The following SYNE1 variants were observed in gnomAD, a reference collection of about 807,000 sequenced individuals.
The protein encoded by SYNE1 is spectrin repeat containing nuclear envelope protein 1.
Under a neutral mutation model 1,111.0 loss-of-function variants are expected in SYNE1, and 616 were observed. The observed-to-expected ratio is 0.55, with a 90% CI of 0.52 to 0.59. The LOEUF (loss-of-function observed/expected upper bound fraction) is 0.59. Among genes scored for constraint, SYNE1 ranks in the 20% least tolerant of loss-of-function variants. SYNE1 has a pLI of 0.00. For synonymous variants in SYNE1, 3,855 were observed against 3,825.8 expected (o/e 1.01, Z -0.28); for missense variants, 10,006 against 10,417.0 (o/e 0.96, Z 1.72).
chr6:152,444,414 G>C lies in SYNE1; in HGVS notation c.3834C>G (p.His1278Gln). The change falls in exon 30 of 146, where the codon CAC becomes CAG. Residue 1278 changes from histidine (H) to glutamine (Q), a missense_variant. By Grantham distance (24) the His-to-Gln change is conservative. Coordinates refer to ENST00000367255, the MANE Select transcript of SYNE1 (RefSeq NM_182961.4). Reference sequence around the variant, plus strand: ...TGGAAGAAAGAGGCATTTTTACCTGGTGATGAAGAAGTAACTGCTGTGCTT... The same window carrying C: ...TGGAAGAAAGAGGCATTTTTACCTGCTGATGAAGAAGTAACTGCTGTGCTT... ...LFEAQQLLLH[H>Q]QQKTKRISAK... 1 of 1,613,582 alleles carries C rather than the reference G, an allele frequency of 6.2e-7. No homozygotes were observed. Among genetic ancestry groups the C allele is most frequent in the Non-Finnish European group, 8.5e-7 (1 of 1,179,836 alleles).
At chr6:152,612,245 G>T (rs183880760) in intron 3 of SYNE1, among the ~76,000 whole-genome samples, 1 of 151,858 alleles carries the variant, frequency 6.6e-6, no homozygotes, top group Admixed American at 6.6e-5. Context: ...TTGATAGACT[G>T]CTAGCAAGAC....
intron 104 of SYNE1, among the ~76,000 whole-genome samples, chr6:152,250,272 A>G (rs2088771165): frequency 6.6e-6 from 1 of 152,072 alleles, no homozygotes; most frequent in Non-Finnish European, 1.5e-5. Context: ...AAAATTACCA[A>G]AAAAATGTAT....
intron 3 of SYNE1, among the ~76,000 whole-genome samples, chr6:152,626,639 G>T (rs1364365851): frequency 6.6e-6 from 1 of 152,142 alleles, no homozygotes; most frequent in Non-Finnish European, 1.5e-5. Flanking sequence ...ATCTAACAAG[G>T]CTCTTTCTGG....
chr6:152,416,964 C>T lies in SYNE1; in HGVS notation c.5473G>A (p.Gly1825Ser). Residue 1825 changes from glycine (G) to serine (S), a missense_variant, in exon 41 of 146, where the codon GGT becomes AGT. Physicochemically the swap from Gly to Ser is moderately conservative, Grantham distance 56. Around this residue, in one of 7 missense-constraint regions of SYNE1, gnomAD observed 4,955 missense variants for 5,017.2 expected, o/e 0.99. Coordinates refer to ENST00000367255, the MANE Select transcript of SYNE1 (RefSeq NM_182961.4). ...SKKGELQSLQ[G>S]HLAKLGSLGR... ...AGAGAACCCAACTTTGCTAAGTGAC[C>T]CTGCAGACTCTGCAATTCGCCCTTT... The T allele has an allele frequency of 1.2e-6, 2 of 1,614,190 alleles. No individual in the cohort carries two copies. Among genetic ancestry groups the T allele is most frequent in the Non-Finnish European group, 1.7e-6 (2 of 1,180,034 alleles).
chr6:152,441,844 C>T (rs1177344347), intron 31 of SYNE1, among the ~76,000 whole-genome samples: 1 of 152,168 alleles, frequency 6.6e-6, no homozygotes, highest in African/African-American at 2.4e-5. Flanking sequence ...TGATACAGCA[C>T]CTAGTCCTCA....
chr6:152,281,436 C>T (rs555644433), intron 97 of SYNE1, among the ~76,000 whole-genome samples: 1 of 152,304 alleles, frequency 6.6e-6, no homozygotes, highest in East Asian at 1.9e-4. Context: ...AAAATTGTAA[C>T]AGAGCACCTA....
chr6:152,218,884 T>C, intron 120 of SYNE1, 119 bp downstream of exon 120: 1 of 1,077,204 alleles, frequency 9.3e-7, no homozygotes, highest in Admixed American at 1.8e-5. Context: ...GTTTACTTGC[T>C]ATTTTCTTGA....
chr6:152,619,418 G>A (rs150179590), intron 3 of SYNE1, among the ~76,000 whole-genome samples: 359 of 152,216 alleles, frequency 2.4e-3, no homozygotes, highest in African/African-American at 8.0e-3. Flanking sequence ...CCTTACTTTT[G>A]GGGAGGGTTC....
intron 3 of SYNE1, among the ~76,000 whole-genome samples, chr6:152,612,019 G>A (rs1211252380): frequency 6.6e-6 from 1 of 151,822 alleles, no homozygotes; most frequent in South Asian, 2.1e-4. Context: ...GAAATTTTTA[G>A]CACTAAATGC....
chr6:152,363,494 AAACT>A (rs1421184886), intron 63 of SYNE1, among the ~76,000 whole-genome samples: 40 of 133,712 alleles, frequency 3.0e-4, no homozygotes, highest in Non-Finnish European at 5.1e-4. Context: ...ACTCCGTCTC[AAACT>A]AAATAAATAA....
intron 15 of SYNE1, 37 bp downstream of exon 15, chr6:152,472,264 A>T (rs1352711397): frequency 1.3e-6 from 2 of 1,556,750 alleles, no homozygotes; most frequent in Admixed American, 3.3e-5. Flanking sequence ...CTAGTGTTTT[A>T]AAAAGAGACT....
At chr6:152,351,901 G>T in intron 70 of SYNE1, 126 bp downstream of exon 70, 2 of 837,666 alleles carry the variant, frequency 2.4e-6, no homozygotes, top group Non-Finnish European at 3.9e-6. Flanking sequence ...CTGGTCAGCT[G>T]CAGAACGGAC....
intron 3 of SYNE1, among the ~76,000 whole-genome samples, chr6:152,607,949 T>G (rs113516323): frequency 2.0e-5 from 3 of 152,084 alleles, no homozygotes; most frequent in African/African-American, 7.2e-5. Context: ...AACCAAACAC[T>G]GCCTGTTGTC....
At position 152,151,702 on chromosome 6, in the gene SYNE1, G is replaced by A. The variant is rs531949066; in HGVS notation, c.24313-12C>T. On this transcript the variant is annotated splice_polypyrimidine_tract_variant and intron_variant, in intron 134 of 145. Transcript: ENST00000367255. ...TGGCCAATAAAATGCTGGAAGGCAAGAGGAAAGTAGTAACAATTATTTTTA... is the reference window on the plus strand; with the variant it reads ...TGGCCAATAAAATGCTGGAAGGCAAAAGGAAAGTAGTAACAATTATTTTTA... 2.0e-5 allele frequency: 33 copies of A among 1,613,168 alleles called. No homozygotes were observed. In the East Asian group the frequency reaches 6.9e-4, roughly 34 times the overall value.
At chr6:152,523,755 G>A (rs559707853) in intron 5 of SYNE1, among the ~76,000 whole-genome samples, 1 of 151,848 alleles carries the variant, frequency 6.6e-6, no homozygotes. Flanking sequence ...TTCTCCTTGC[G>A]AGATCTTTCA....
In SYNE1 at chr6:152,330,362, C is replaced by CT. The variant is rs755395350; in HGVS notation, c.14322dup (p.Asp4775ArgfsTer32). On this transcript the variant is annotated frameshift_variant, in exon 78 of 146. Transcript: ENST00000367255. LOFTEE classifies it high-confidence loss of function. ...TGTTCTTGGTAAGCACTGGTGGTGT[C>CT]TTCTAATAAGCTAACCCTCTGTTCT... 1 of 1,614,114 alleles carries CT rather than the reference C, an allele frequency of 6.2e-7. No homozygotes were observed. Among genetic ancestry groups the CT allele is most frequent in the Non-Finnish European group, 8.5e-7 (1 of 1,180,032 alleles).
chr6:152,451,144 C>A lies in SYNE1; in HGVS notation c.3089G>T (p.Arg1030Met). 1.2e-6 allele frequency: 2 copies of A among 1,614,088 alleles called. No individual in the cohort carries two copies. Among genetic ancestry groups the A allele is most frequent in the South Asian group, 1.1e-5 (1 of 91,084 alleles). Residue 1030 changes from arginine (R) to methionine (M), a missense_variant, in exon 26 of 146, where the codon AGG becomes ATG. By Grantham distance (91) the Arg-to-Met change is moderately conservative. Coordinates refer to ENST00000367255, the MANE Select transcript of SYNE1 (RefSeq NM_182961.4). The stretch of plus-strand genomic sequence containing the variant: ...GCATTCTTCTACAGAGGCTAAGAAC[C>A]TATTCTTCTCCACATCAATCTTCAG... ...LHLKIDVEKN[R>M]FLASVEECRT...
chr6:152,328,897 A>T (rs546056484), intron 78 of SYNE1, among the ~76,000 whole-genome samples: 43 of 152,290 alleles, frequency 2.8e-4, no homozygotes, highest in African/African-American at 1.0e-3. Flanking sequence ...TCATCCCCAC[A>T]GAGGGGGTGA....
chr6:152,453,638 T>C lies in SYNE1; in HGVS notation c.2975A>G (p.Gln992Arg). 6.2e-7 allele frequency: 1 copy of C among 1,614,230 alleles called. No individual in the cohort carries two copies. Among genetic ancestry groups the C allele is most frequent in the Non-Finnish European group, 8.5e-7 (1 of 1,180,040 alleles). ...CDELTDILPE[Q>R]EQQGLQEAVR... ...AGCTTCCTGCAGCCCCTGCTGCTCCTGCTCTGGAAGGATGTCGGTGAGTTC... is the reference window on the plus strand; with the variant it reads ...AGCTTCCTGCAGCCCCTGCTGCTCCCGCTCTGGAAGGATGTCGGTGAGTTC... Residue 992 changes from glutamine (Q) to arginine (R), a missense_variant, in exon 25 of 146, where the codon CAG becomes CGG. This residue lies in a region of SYNE1 where 1,971 missense variants were observed against 2,084.1 expected (regional missense o/e 0.95). Coordinates refer to ENST00000367255, the MANE Select transcript of SYNE1 (RefSeq NM_182961.4).
Sources: gnomAD v4.1 joint callset for allele counts (sites outside exome capture counted in the v4.1 genomes callset) on GRCh38, gnomAD v4.1.1 for gene constraint, gnomAD v4.1.1 regional missense constraint, MANE v1.5 for transcripts, NCBI Gene and HGNC (gene_info 2026-07-23, HGNC 2026-07-21) for gene names.